Variants in LMX1A observed in about 807,000 individuals in gnomAD.
LMX1A encodes the protein LIM homeobox transcription factor 1 alpha, also known as LIM homeobox transcription factor 1-alpha.
Under a neutral mutation model 49.1 loss-of-function variants are expected in LMX1A, and 15 were observed. That is an observed-to-expected ratio of 0.31 (90% CI 0.20 to 0.47). The LOEUF (loss-of-function observed/expected upper bound fraction) is 0.47, where lower values mean the gene tolerates loss of function less well. LMX1A is among the 20% of genes least tolerant of loss of function. The pLI, the probability that LMX1A is intolerant of heterozygous loss-of-function variation, is 1.00. For missense variants in LMX1A, 372 were observed against 475.8 expected, an observed-to-expected ratio of 0.78 and a Z score of 2.03; for synonymous variants, 167 against 185.7, an observed-to-expected ratio of 0.90 and a Z score of 0.82.
chr1:165,355,450 G>T lies in LMX1A; in HGVS notation c.76+34C>A. 3 of 1,605,638 alleles carry T rather than the reference G, an allele frequency of 1.9e-6. No individual in the cohort carries two copies. Among genetic ancestry groups the T allele is most frequent in the Non-Finnish European group, 2.6e-6 (3 of 1,173,122 alleles). Reference sequence around the variant, plus strand: ...CAGAGCTCAGCGCCAAGCGGAAAGAGAGTGCGCCCAGGACGCACGGCCTGA... The same window carrying T: ...CAGAGCTCAGCGCCAAGCGGAAAGATAGTGCGCCCAGGACGCACGGCCTGA... On this transcript the variant is annotated intron_variant, in intron 2 of 8. Transcript: ENST00000342310. The surrounding 1 kb of genome is among the most constrained non-coding windows in gnomAD (Gnocchi z 4.7).
At chr1:165,224,364 C>T (rs1442811331) in intron 4 of LMX1A, among the ~76,000 whole-genome samples, 1 of 152,194 alleles carries the variant, frequency 6.6e-6, no homozygotes, top group Admixed American at 6.5e-5. Flanking sequence ...CAAGAACAGA[C>T]TAATACAGCA....
intron 3 of LMX1A, among the ~76,000 whole-genome samples, chr1:165,307,053 T>C (rs907607081): frequency 6.6e-6 from 1 of 152,242 alleles, no homozygotes; most frequent in African/African-American, 2.4e-5. Flanking sequence ...TGTGGCTTCA[T>C]GCAAGGGAAT....
chr1:165,327,373 T>C (rs970954624), intron 3 of LMX1A, among the ~76,000 whole-genome samples: 6 of 152,172 alleles, frequency 3.9e-5, no homozygotes, highest in Non-Finnish European at 7.3e-5. Flanking sequence ...GCAGTAGACA[T>C]GGACACCCAG....
intron 3 of LMX1A, among the ~76,000 whole-genome samples, chr1:165,278,481 T>A (rs1412979041): frequency 6.6e-6 from 1 of 152,182 alleles, no homozygotes; most frequent in Non-Finnish European, 1.5e-5. Flanking sequence ...TGGCACTGAG[T>A]ACCTGCTGCC....
intron 4 of LMX1A, among the ~76,000 whole-genome samples, chr1:165,232,877 T>A (rs1055931709): frequency 6.6e-6 from 1 of 152,184 alleles, no homozygotes; most frequent in African/African-American, 2.4e-5. Flanking sequence ...CCCAACCATA[T>A]GAAAAGGGCA....
At chr1:165,219,470 G>C (rs559972016) in intron 4 of LMX1A, among the ~76,000 whole-genome samples, 6 of 152,110 alleles carry the variant, frequency 3.9e-5, no homozygotes, top group Admixed American at 6.5e-5. Flanking sequence ...AGAAAGAAGG[G>C]AGGAATTTAT....
rs139738225 is a variant in LMX1A at position 165,353,221 on chromosome 1, G to A, written c.118C>T (p.Arg40Trp). 2 of 1,613,534 alleles carry A rather than the reference G, an allele frequency of 1.2e-6. No individual in the cohort carries two copies. The highest frequency in any genetic ancestry group is 2.7e-5 in the African/African-American group (2 of 74,924). ...SPKSVCEGCQ[R>W]VILDRFLLRL... is the part of the protein sequence containing the mutation. ...AGCAGAAACCTGTCCAAGATGACCC[G>A]CTGACAGCCCTCGCAGACAGACTTG... The change falls in exon 3 of 9, where the codon CGG (arginine) becomes TGG (tryptophan). Residue 40 changes from arginine (R) to tryptophan (W), a missense_variant. Physicochemically the swap from Arg to Trp is moderately radical, Grantham distance 101. Transcript: ENST00000342310.
At chr1:165,279,851 G>A (rs1284091661) in intron 3 of LMX1A, among the ~76,000 whole-genome samples, 1 of 152,076 alleles carries the variant, frequency 6.6e-6, no homozygotes, top group Non-Finnish European at 1.5e-5. Context: ...TGAGAGAGTC[G>A]TTTACATGAC....
intron 4 of LMX1A, among the ~76,000 whole-genome samples, chr1:165,240,985 C>A (rs188075313): frequency 2.6e-4 from 39 of 152,196 alleles, no homozygotes; most frequent in African/African-American, 8.0e-4. Context: ...AAGGTAGCTA[C>A]GTTTGATAAA....
chr1:165,257,734 G>A (rs1477023721), intron 3 of LMX1A, among the ~76,000 whole-genome samples: 1 of 152,194 alleles, frequency 6.6e-6, no homozygotes, highest in African/African-American at 2.4e-5. Flanking sequence ...AGGAAGACCT[G>A]AGGAAGTCCA....
intron 4 of LMX1A, among the ~76,000 whole-genome samples, chr1:165,238,714 G>T (rs146574621): frequency 1.2e-3 from 187 of 152,294 alleles, no homozygotes; most frequent in African/African-American, 4.3e-3. Flanking sequence ...CTGGAGCACT[G>T]CCATAGCCAG....
intron 4 of LMX1A, among the ~76,000 whole-genome samples, chr1:165,233,242 C>T (rs890480935): frequency 7.2e-5 from 11 of 152,118 alleles, no homozygotes; most frequent in Non-Finnish European, 1.3e-4. Flanking sequence ...ATTCCTTGAG[C>T]CTACGCATTC....
At chr1:165,286,975 C>G (rs1431191924) in intron 3 of LMX1A, among the ~76,000 whole-genome samples, 3 of 152,160 alleles carry the variant, frequency 2.0e-5, no homozygotes, top group Non-Finnish European at 4.4e-5. Flanking sequence ...CATCTCTCTG[C>G]CCCCTCTCAC....
chr1:165,222,213 T>G (rs1651876704), intron 4 of LMX1A, among the ~76,000 whole-genome samples: 1 of 152,192 alleles, frequency 6.6e-6, no homozygotes, highest in African/African-American at 2.4e-5. Context: ...TCGTTTTGTT[T>G]TGATTTGGCC....
intron 3 of LMX1A, among the ~76,000 whole-genome samples, chr1:165,277,488 T>G (rs1371329385): frequency 1.3e-5 from 2 of 152,174 alleles, no homozygotes; most frequent in African/African-American, 4.8e-5. Flanking sequence ...CTTCCCTCAT[T>G]TGACACTCCC....
chr1:165,274,736 G>A (rs1303807852), intron 3 of LMX1A, among the ~76,000 whole-genome samples: 11 of 152,146 alleles, frequency 7.2e-5, no homozygotes, highest in Non-Finnish European at 1.2e-4. Flanking sequence ...TGGCGGTCAC[G>A]GATGTAACGT....
At chr1:165,270,996 C>T (rs1653776155) in intron 3 of LMX1A, among the ~76,000 whole-genome samples, 1 of 152,164 alleles carries the variant, frequency 6.6e-6, no homozygotes, top group Non-Finnish European at 1.5e-5. Context: ...ATTTCCCTCC[C>T]AATCACCATT....
chr1:165,245,855 C>G (rs1038107338), intron 4 of LMX1A, among the ~76,000 whole-genome samples: 1 of 151,958 alleles, frequency 6.6e-6, no homozygotes, highest in African/African-American at 2.4e-5. Context: ...TTGTCAAAAT[C>G]TTTTTGAACA....
chr1:165,239,926 G>T (rs1296508550), intron 4 of LMX1A, among the ~76,000 whole-genome samples: 1 of 152,150 alleles, frequency 6.6e-6, no homozygotes, highest in Non-Finnish European at 1.5e-5. Context: ...GTATTTATTG[G>T]CTTGACATTT....
Sources: gnomAD v4.1 joint callset for allele counts (sites outside exome capture counted in the v4.1 genomes callset) on GRCh38, gnomAD v4.1.1 for gene constraint, Gnocchi (gnomAD v3.1) non-coding constraint, MANE v1.5 for transcripts, NCBI Gene and HGNC (gene_info 2026-07-23, HGNC 2026-07-21) for gene names.